Variants in DSCAML1 observed in about 807,000 individuals in gnomAD.
DSCAML1 encodes the protein cell adhesion molecule DSCAML1.
Under a neutral mutation model 200.5 loss-of-function variants are expected in DSCAML1, and 38 were observed. The observed-to-expected ratio is 0.19, with a 90% CI of 0.15 to 0.25. The LOEUF (loss-of-function observed/expected upper bound fraction) is 0.25, where lower values mean the gene tolerates loss of function less well. Among genes scored for constraint, DSCAML1 ranks in the 10% least tolerant of loss-of-function variants. DSCAML1 has a pLI of 1.00. For synonymous variants in DSCAML1, 1,215 were observed against 1,165.0 expected (o/e 1.04, Z -0.87); for missense variants, 2,223 against 2,858.8 (o/e 0.78, Z 5.07).
intron 3 of DSCAML1, among the ~76,000 whole-genome samples, chr11:117,572,512 G>C (rs949981588): frequency 3.3e-5 from 5 of 152,124 alleles, no homozygotes. Flanking sequence ...TTCTTCTGCC[G>C]TAGGGACTCC....
At chr11:117,809,528 C>T (rs990480186) in intron 1 of DSCAML1, among the ~76,000 whole-genome samples, 1 of 152,226 alleles carries the variant, frequency 6.6e-6, no homozygotes, top group Admixed American at 6.5e-5. Flanking sequence ...GGCTGCTGTG[C>T]AGTACAACAT....
chr11:117,678,288 G>A (rs1295555426), intron 3 of DSCAML1, among the ~76,000 whole-genome samples: 1 of 152,234 alleles, frequency 6.6e-6, no homozygotes, highest in South Asian at 2.1e-4. Context: ...GCTACAGGGT[G>A]GGGTGGCGGG....
At position 117,802,361 on chromosome 11, in the gene DSCAML1, G is replaced by T. The variant is rs540884609; in HGVS notation, c.-250+15029C>A. Among the ~76,000 whole-genome samples, 351 of 152,228 alleles carry T rather than the reference G, an allele frequency of 2.3e-3. 1 individual carries two copies. Among genetic ancestry groups the T allele is most frequent in the African/African-American group, 7.9e-3 (328 of 41,552 alleles). On this transcript the variant is annotated intron_variant, in intron 1 of 2. Coordinates refer to the DSCAML1 transcript ENST00000525836. ...CTTTGTCTAGAATTGTGGCTATTTA[G>T]GCATGTGTCTGACTTGTCTCCTCTT...
In DSCAML1 at chr11:117,437,948, C is replaced by T. The variant is rs961343524; in HGVS notation, c.4379G>A (p.Ser1460Asn). 2.5e-6 allele frequency: 4 copies of T among 1,613,716 alleles called. No homozygotes were observed. Among genetic ancestry groups the T allele is most frequent in the East Asian group, 2.2e-5 (1 of 44,886 alleles). Reference protein sequence around the residue: ...WYKVKLAAKNSVGSGRISEII... With the variant: ...WYKVKLAAKNNVGSGRISEII... ...CTCGCTGATGCGCCCAGAGCCCACG[C>T]TGTTCTTGGCTGCCAGCTTCACCTT... Residue 1460 changes from serine (S) to asparagine (N), a missense_variant, in exon 25 of 33, where the codon AGC (serine) becomes AAC (asparagine). Coordinates refer to ENST00000651296, the MANE Select transcript of DSCAML1 (RefSeq NM_020693.4). The surrounding 1 kb of genome is among the most constrained non-coding windows in gnomAD (Gnocchi z 5.3).
chr11:117,691,208 C>A (rs911907100), intron 3 of DSCAML1, among the ~76,000 whole-genome samples: 2 of 152,154 alleles, frequency 1.3e-5, no homozygotes, highest in African/African-American at 4.8e-5. Context: ...AGCAGGTGGG[C>A]AGCTTCTCTG....
chr11:117,812,700 G>A (rs1371965568), intron 1 of DSCAML1, among the ~76,000 whole-genome samples: 7 of 150,102 alleles, frequency 4.7e-5, no homozygotes, highest in Non-Finnish European at 8.9e-5. Context: ...TACCTATCTC[G>A]GCATAATTCT....
At chr11:117,615,702 A>G (rs2051797853) in intron 3 of DSCAML1, among the ~76,000 whole-genome samples, 1 of 152,048 alleles carries the variant, frequency 6.6e-6, no homozygotes, top group African/African-American at 2.4e-5. Flanking sequence ...CCAAGCAGGT[A>G]TTTTGGGTGG....
chr11:117,807,817 T>C (rs1225056303), intron 1 of DSCAML1, among the ~76,000 whole-genome samples: 1 of 152,176 alleles, frequency 6.6e-6, no homozygotes, highest in Non-Finnish European at 1.5e-5. Flanking sequence ...CTCAGTCTGG[T>C]TCTGGCTTTC....
chr11:117,586,453 C>G (rs1055721820), intron 3 of DSCAML1, among the ~76,000 whole-genome samples: 6 of 152,208 alleles, frequency 3.9e-5, no homozygotes, highest in Non-Finnish European at 8.8e-5. Flanking sequence ...TTCTTAACTT[C>G]CCCTTCCTAG....
intron 1 of DSCAML1, among the ~76,000 whole-genome samples, chr11:117,786,849 T>A (rs1268173700): frequency 6.6e-6 from 1 of 152,102 alleles, no homozygotes; most frequent in Non-Finnish European, 1.5e-5. Context: ...CCACACCCCC[T>A]CAGAGACAGG....
intron 3 of DSCAML1, among the ~76,000 whole-genome samples, chr11:117,763,120 C>A (rs1459046590): frequency 1.3e-5 from 2 of 152,078 alleles, no homozygotes; most frequent in African/African-American, 4.8e-5. Flanking sequence ...CGAGGAGGGG[C>A]ACAGGAGTAA....
intron 3 of DSCAML1, among the ~76,000 whole-genome samples, chr11:117,680,887 G>A (rs1462100377): frequency 2.0e-5 from 3 of 152,178 alleles, no homozygotes; most frequent in Admixed American, 2.0e-4. Flanking sequence ...CAACCCAGGG[G>A]AAGAAGATCT....
At chr11:117,509,695 A>C (rs939739380) in intron 8 of DSCAML1, among the ~76,000 whole-genome samples, 2 of 152,162 alleles carry the variant, frequency 1.3e-5, no homozygotes, top group South Asian at 4.1e-4. Context: ...ATATATGTAC[A>C]TGGCTGTCCA....
chr11:117,803,740 T>A (rs2033479711), intron 1 of DSCAML1, among the ~76,000 whole-genome samples: 1 of 152,216 alleles, frequency 6.6e-6, no homozygotes, highest in South Asian at 2.1e-4. Flanking sequence ...AGTCTGTATG[T>A]CAATCATGTA....
chr11:117,485,078 C>T (rs1035657061), intron 11 of DSCAML1, among the ~76,000 whole-genome samples: 2 of 152,196 alleles, frequency 1.3e-5, no homozygotes, highest in African/African-American at 2.4e-5. Context: ...CCCCACCATG[C>T]CTCTGGCTGG....
intron 8 of DSCAML1, among the ~76,000 whole-genome samples, chr11:117,512,425 G>A (rs1301861150): frequency 1.3e-5 from 2 of 152,178 alleles, no homozygotes; most frequent in African/African-American, 4.8e-5. Flanking sequence ...CTGCAAAAGC[G>A]CATTCTAATG....
intron 3 of DSCAML1, among the ~76,000 whole-genome samples, chr11:117,769,297 T>C (rs1246332455): frequency 3.6e-5 from 1 of 27,804 alleles, no homozygotes; most frequent in East Asian, 1.9e-3. Context: ...TTTATATATT[T>C]ATATATATTT....
chr11:117,445,509 C>T (rs965612840), intron 20 of DSCAML1, among the ~76,000 whole-genome samples: 75 of 152,306 alleles, frequency 4.9e-4, no homozygotes, highest in African/African-American at 1.7e-3. Flanking sequence ...GTAAGGTTGC[C>T]CATAGTTTCT....
chr11:117,512,122 T>C (rs560280990), intron 8 of DSCAML1, among the ~76,000 whole-genome samples: 1 of 152,208 alleles, frequency 6.6e-6, no homozygotes, highest in Admixed American at 6.5e-5. Flanking sequence ...GGTGGGAGAC[T>C]TCCAGTTTTA....
Sources: gnomAD v4.1 joint callset for allele counts (sites outside exome capture counted in the v4.1 genomes callset) on GRCh38, gnomAD v4.1.1 for gene constraint, Gnocchi (gnomAD v3.1) non-coding constraint, MANE v1.5 for transcripts, NCBI Gene and HGNC (gene_info 2026-07-23, HGNC 2026-07-21) for gene names.